SMAD3: variants seen among roughly 807,000 people sequenced by gnomAD.
SMAD3 encodes MAD homolog 3.
In SMAD3, 12 loss-of-function variants were observed where a neutral mutation model predicts 51.8. That is an observed-to-expected ratio of 0.23 (90% CI 0.15 to 0.38). The LOEUF is 0.38. Among genes scored for constraint, SMAD3 ranks in the 10% least tolerant of loss-of-function variants. The pLI is 1.00. For synonymous variants in SMAD3, 238 were observed against 227.7 expected, an observed-to-expected ratio of 1.05 and a Z score of -0.41; for missense variants, 294 against 565.6, an observed-to-expected ratio of 0.52 and a Z score of 4.87.
chr15:67,170,703 C>T lies in SMAD3; in HGVS notation c.658+99C>T, dbSNP rs61258186. On this transcript the variant is annotated intron_variant, in intron 5 of 8. Transcript: ENST00000327367. ...GGGCCCTGAAGGTAAGGCTCTCCCC[C>T]GACCCCTACCATCAGCCCAGCTCAG... 8.5e-4 allele frequency: 864 copies of T among 1,014,454 alleles called. 6 individuals carry two copies. The African/African-American group carries it at 0.01, about 12-fold the overall frequency. 62.8% of individuals were successfully genotyped at this position (1,014,454 alleles called of 1,614,324 possible).
At chr15:67,182,812 T>C (rs1963094624) in intron 6 of SMAD3, among the ~76,000 whole-genome samples, 2 of 151,138 alleles carry the variant, frequency 1.3e-5, no homozygotes, top group African/African-American at 2.4e-5. Context: ...AAGATACTTA[T>C]TCTGGGTGGC....
Position 67,112,690 on chromosome 15 carries a change from G to C in SMAD3, c.206+46330G>C, listed in dbSNP as rs1016478660. Among the ~76,000 whole-genome samples, 6 of 133,038 alleles carry C rather than the reference G, an allele frequency of 4.5e-5. 1 individual carries two copies. The highest frequency in any genetic ancestry group is 9.3e-5 in the Non-Finnish European group (6 of 64,406). The allele number at this position is 133,038 out of a possible 152,430, so 87.3% of individuals were successfully genotyped here. A position where few individuals can be genotyped will look rare whatever the true frequency, so the allele number is the denominator to read the frequency against. On this transcript the variant is annotated intron_variant, in intron 1 of 8. Transcript: ENST00000327367. The stretch of plus-strand genomic sequence containing the variant: ...TTTACTTTCGTCACTTTTGCTTTTT[G>C]TGTTGTATCTAAGAAACTGTTGCTT...
intron 1 of SMAD3, among the ~76,000 whole-genome samples, chr15:67,148,565 G>A (rs558270886): frequency 1.1e-4 from 17 of 152,168 alleles, no homozygotes; most frequent in Non-Finnish European, 2.1e-4. Context: ...GCACTTCCCC[G>A]CTGGTTGCTT....
intron 1 of SMAD3, among the ~76,000 whole-genome samples, chr15:67,090,950 T>C (rs1199658604): frequency 6.6e-6 from 1 of 152,182 alleles, no homozygotes; most frequent in Non-Finnish European, 1.5e-5. Flanking sequence ...CAGGGTTGCG[T>C]CTTGAGCTCC....
At chr15:67,121,505 C>T (rs1046014350) in intron 1 of SMAD3, among the ~76,000 whole-genome samples, 4 of 152,050 alleles carry the variant, frequency 2.6e-5, no homozygotes, top group Admixed American at 6.5e-5. Flanking sequence ...CCTGGGAGGA[C>T]GGGAGGTTTT....
At chr15:67,069,633 C>T (rs760921203) in intron 1 of SMAD3, among the ~76,000 whole-genome samples, 6 of 152,042 alleles carry the variant, frequency 3.9e-5, no homozygotes, top group Non-Finnish European at 7.3e-5. Context: ...GTCAGAGCAC[C>T]CAGTCCAGTG....
intron 8 of SMAD3, among the ~76,000 whole-genome samples, 189 bp downstream of exon 8, chr15:67,187,698 C>T (rs1170250631): frequency 6.6e-6 from 1 of 152,240 alleles, no homozygotes; most frequent in Non-Finnish European, 1.5e-5. Flanking sequence ...TGAGGAATTG[C>T]AGAACGATGT....
At chr15:67,157,955 T>TG (rs1204675689) in intron 1 of SMAD3, among the ~76,000 whole-genome samples, 1 of 152,116 alleles carries the variant, frequency 6.6e-6, no homozygotes, top group Non-Finnish European at 1.5e-5. Context: ...GAAAGACCTT[T>TG]GGGGGTCTCT....
chr15:67,145,111 G>C (rs1961940600), intron 1 of SMAD3, among the ~76,000 whole-genome samples: 1 of 152,184 alleles, frequency 6.6e-6, no homozygotes, highest in Non-Finnish European at 1.5e-5. Flanking sequence ...ACGTTCTCCT[G>C]AAAGAAGTCT....
chr15:67,131,212 T>C (rs1333461370), intron 1 of SMAD3, among the ~76,000 whole-genome samples: 1 of 152,210 alleles, frequency 6.6e-6, no homozygotes, highest in Admixed American at 6.5e-5. Flanking sequence ...TAAATCTCCC[T>C]CCAGAGTACT....
intron 1 of SMAD3, among the ~76,000 whole-genome samples, chr15:67,158,943 C>A (rs1487867773): frequency 6.6e-6 from 1 of 152,126 alleles, no homozygotes; most frequent in Non-Finnish European, 1.5e-5. Flanking sequence ...CTGCCACTTT[C>A]TGGAATATCT....
chr15:67,127,343 C>T (rs939851515), intron 1 of SMAD3, among the ~76,000 whole-genome samples: 4 of 152,178 alleles, frequency 2.6e-5, no homozygotes, highest in African/African-American at 9.7e-5. Flanking sequence ...GGTTAAGTGA[C>T]AGGCTTGACA....
rs1217492445 is a variant in SMAD3, at chr15:67,194,531, GTAT to G, written c.*3997_*3999del. ...TAATGCAGAAGTAATGTATACTCTA[GTAT>G]TCTGGTGTTTTTATATTTATGTAAT... On this transcript the variant is annotated 3_prime_UTR_variant, in exon 9 of 9. Transcript: ENST00000327367. 4.3e-6 allele frequency: 1 copy of G among 232,462 alleles called. No individual in the cohort carries two copies. Among genetic ancestry groups the G allele is most frequent in the Admixed American group, 5.6e-5 (1 of 17,760 alleles). The allele number at this position is 232,462 out of a possible 1,614,324, so 14.4% of individuals were successfully genotyped here.
intron 1 of SMAD3, among the ~76,000 whole-genome samples, chr15:67,129,981 G>A (rs1335489860): frequency 6.6e-6 from 1 of 152,188 alleles, no homozygotes; most frequent in African/African-American, 2.4e-5. Flanking sequence ...TTGGAGTGGA[G>A]TCATTGAGCT....
intron 1 of SMAD3, among the ~76,000 whole-genome samples, chr15:67,108,054 C>A (rs1188994400): frequency 1.4e-5 from 2 of 146,746 alleles, no homozygotes; most frequent in African/African-American, 2.5e-5. Flanking sequence ...CTGGTTAGAA[C>A]CCTTCCGTCC....
intron 1 of SMAD3, among the ~76,000 whole-genome samples, chr15:67,079,700 T>A (rs1042689762): frequency 6.6e-6 from 1 of 152,114 alleles, no homozygotes; most frequent in African/African-American, 2.4e-5. Flanking sequence ...GTATTTATGT[T>A]TACAGAGGAG....
At chr15:67,165,430 G>T in intron 3 of SMAD3, 46 bp downstream of exon 3, 1 of 1,607,666 alleles carries the variant, frequency 6.2e-7, no homozygotes, top group South Asian at 1.1e-5. Context: ...CAGGGGCAGC[G>T]GTCAGCCCCG....
chr15:67,084,070 C>CT (rs56675753), intron 1 of SMAD3, among the ~76,000 whole-genome samples: 1,908 of 85,000 alleles, frequency 0.022, 70 homozygotes, highest in African/African-American at 0.041. Context: ...CTTTTTTTTT[C>CT]TTTTTTTTTT....
At chr15:67,188,423 C>T (rs1963279499) in intron 8 of SMAD3, among the ~76,000 whole-genome samples, 1 of 152,138 alleles carries the variant, frequency 6.6e-6, no homozygotes, top group Non-Finnish European at 1.5e-5. Flanking sequence ...CAGGCGTGAA[C>T]CACCATGCCC....
Sources: allele counts gnomAD v4.1 joint callset (sites outside exome capture counted in the v4.1 genomes callset), GRCh38; gene constraint gnomAD v4.1.1; transcripts MANE v1.5; gene names NCBI Gene and HGNC (gene_info 2026-07-23, HGNC 2026-07-21).